The following SNAP91 variants were observed in gnomAD, a reference collection of about 807,000 sequenced individuals.
SNAP91 encodes the protein clathrin coat assembly protein AP180.
SNAP91 carries 27 observed loss-of-function variants against 100.3 expected under a neutral mutation model. That is an observed-to-expected ratio of 0.27 (90% CI 0.20 to 0.37). The LOEUF is 0.37. Ranked by LOEUF, SNAP91 falls within the 10% of genes least tolerant of loss-of-function variation. The pLI, the probability that SNAP91 is intolerant of heterozygous loss-of-function variation, is 1.00. For synonymous variants in SNAP91, 404 were observed against 398.6 expected, an observed-to-expected ratio of 1.01 and a Z score of -0.16; for missense variants, 986 against 1,123.7, an observed-to-expected ratio of 0.88 and a Z score of 1.75.
chr6:83,648,442 G>C (rs765163987), intron 7 of SNAP91, among the ~76,000 whole-genome samples: 7 of 151,456 alleles, frequency 4.6e-5, no homozygotes, highest in African/African-American at 1.5e-4. Flanking sequence ...TATGGATACT[G>C]GTTCTTATTT....
At chr6:83,695,378 C>T (rs2099191989) in intron 2 of SNAP91, among the ~76,000 whole-genome samples, 1 of 150,584 alleles carries the variant, frequency 6.6e-6, no homozygotes, top group Admixed American at 6.6e-5. Flanking sequence ...CATAAATTTT[C>T]TTTTCCATGT....
intron 2 of SNAP91, among the ~76,000 whole-genome samples, chr6:83,697,847 T>C (rs992080671): frequency 6.6e-6 from 1 of 152,044 alleles, no homozygotes; most frequent in Non-Finnish European, 1.5e-5. Context: ...AATCATTCAA[T>C]AAATATTTAC....
intron 8 of SNAP91, among the ~76,000 whole-genome samples, chr6:83,626,153 A>C: frequency 6.6e-6 from 1 of 152,034 alleles, no homozygotes; most frequent in Non-Finnish European, 1.5e-5. Context: ...CAACTTATCA[A>C]AGATCAGTGG....
At chr6:83,647,816 C>T (rs1036774606) in intron 7 of SNAP91, among the ~76,000 whole-genome samples, 1 of 152,110 alleles carries the variant, frequency 6.6e-6, no homozygotes, top group African/African-American at 2.4e-5. Context: ...GAATACCACA[C>T]ACCAGATAAC....
At chr6:83,659,834 G>A (rs1480865963) in intron 5 of SNAP91, among the ~76,000 whole-genome samples, 2 of 152,050 alleles carry the variant, frequency 1.3e-5, no homozygotes, top group Non-Finnish European at 2.9e-5. Context: ...GGAGTACAAG[G>A]TTTATGCTAT....
chr6:83,582,489 G>A lies in SNAP91; in HGVS notation c.2015-133C>T, dbSNP rs73484871. ...GTTGATTAGCAGTCAGTGAAACAGA[G>A]AAGCTCATTTCTGAAAAGTTGTTCA... On this transcript the variant is annotated intron_variant, in intron 22 of 29. Transcript: ENST00000369694. 6.3e-4 allele frequency: 571 copies of A among 903,818 alleles called. 3 individuals carry two copies. The African/African-American group carries it at 8.2e-3, about 13-fold the overall frequency. The allele number at this position is 903,818 out of a possible 1,614,324, so 56.0% of individuals were successfully genotyped here.
At chr6:83,556,992 C>G (rs1779847437) in intron 28 of SNAP91, among the ~76,000 whole-genome samples, 1 of 152,088 alleles carries the variant, frequency 6.6e-6, no homozygotes, top group African/African-American at 2.4e-5. Context: ...AAGGCCAAAA[C>G]TAATTATTAA....
chr6:83,606,035 T>C (rs889047245), intron 13 of SNAP91, among the ~76,000 whole-genome samples: 1 of 152,212 alleles, frequency 6.6e-6, no homozygotes, highest in African/African-American at 2.4e-5. Context: ...GTCTCTATCA[T>C]TACTTGACTC....
intron 11 of SNAP91, among the ~76,000 whole-genome samples, chr6:83,611,100 C>T (rs939900811): frequency 3.9e-5 from 6 of 151,970 alleles, no homozygotes; most frequent in African/African-American, 1.5e-4. Context: ...ACCCCAACAC[C>T]CAGTGGTTTA....
At chr6:83,707,985 G>A in intron 1 of SNAP91, 28 bp from the exon 2 acceptor site, 1 of 1,510,178 alleles carries the variant, frequency 6.6e-7, no homozygotes, top group South Asian at 1.3e-5. Context: ...AGACGGTCCG[G>A]CTTTAATCCG....
intron 6 of SNAP91, among the ~76,000 whole-genome samples, chr6:83,658,187 T>C (rs149580930): frequency 9.2e-4 from 140 of 152,292 alleles, no homozygotes; most frequent in African/African-American, 3.1e-3. Context: ...CAGTTTATCC[T>C]AATGGTAACA....
chr6:83,630,047 G>A (rs971980580), intron 8 of SNAP91, among the ~76,000 whole-genome samples: 5 of 151,990 alleles, frequency 3.3e-5, no homozygotes, highest in African/African-American at 9.7e-5. Flanking sequence ...TTTGCTAAGC[G>A]TTTTAATCAT....
At chr6:83,567,089 C>A (rs1367910681) in intron 26 of SNAP91, among the ~76,000 whole-genome samples, 1 of 152,118 alleles carries the variant, frequency 6.6e-6, no homozygotes, top group Non-Finnish European at 1.5e-5. Flanking sequence ...CAGGCATGTG[C>A]CACCACACCC....
chr6:83,632,261 A>G (rs1408506472), intron 8 of SNAP91, among the ~76,000 whole-genome samples: 2 of 152,060 alleles, frequency 1.3e-5, no homozygotes, highest in African/African-American at 2.4e-5. Context: ...CTTTAAAGGT[A>G]TAACTATAAA....
intron 2 of SNAP91, among the ~76,000 whole-genome samples, chr6:83,666,010 A>G (rs112151201): frequency 8.5e-5 from 13 of 152,142 alleles, no homozygotes; most frequent in Non-Finnish European, 1.8e-4. Flanking sequence ...TTAACAGCTA[A>G]AAGCATATCT....
Position 83,575,031 on chromosome 6 carries a change from G to T in SNAP91, c.2421C>A (p.Gly807=), listed in dbSNP as rs6941189. The change falls in exon 26 of 30, where the codon GGC becomes GGA. Residue 807 remains glycine, a synonymous_variant. Transcript: ENST00000369694. Reference sequence around the variant, plus strand: ...ATACCAAAGGTGCACTTGGTGGAACGCCTGCTGACCAGGTTGCTGGAGCTA... The same window carrying T: ...ATACCAAAGGTGCACTTGGTGGAACTCCTGCTGACCAGGTTGCTGGAGCTA... ...PKVAPATWSA[G]VPPSAPLQGA... is the part of the protein sequence containing the mutation. The T allele has an allele frequency of 7.9e-4, 1,263 of 1,597,472 alleles. 10 individuals carry two copies. The African/African-American group carries it at 0.015, about 19-fold the overall frequency.
At chr6:83,667,231 C>G (rs756079627) in intron 2 of SNAP91, among the ~76,000 whole-genome samples, 2 of 152,006 alleles carry the variant, frequency 1.3e-5, no homozygotes, top group Non-Finnish European at 2.9e-5. Flanking sequence ...GTTTCAGAGT[C>G]AAGGTTGCAA....
intron 2 of SNAP91, among the ~76,000 whole-genome samples, chr6:83,693,709 G>A (rs1411386530): frequency 6.6e-6 from 1 of 152,134 alleles, no homozygotes; most frequent in South Asian, 2.1e-4. Flanking sequence ...TTGCTATCAA[G>A]CAGAGAGGAA....
At chr6:83,651,154 T>C (rs1164305507) in intron 7 of SNAP91, among the ~76,000 whole-genome samples, 2 of 152,164 alleles carry the variant, frequency 1.3e-5, no homozygotes, top group Non-Finnish European at 2.9e-5. Context: ...TTTTTCTTTG[T>C]CTGGCTAGAG....
Sources: gnomAD v4.1 joint callset for allele counts (sites outside exome capture counted in the v4.1 genomes callset) on GRCh38, gnomAD v4.1.1 for gene constraint, MANE v1.5 for transcripts, NCBI Gene and HGNC (gene_info 2026-07-23, HGNC 2026-07-21) for gene names.